DACH1: variants seen among roughly 807,000 people sequenced by gnomAD.
DACH1 encodes dachshund homolog 1.
A neutral mutation model predicts 54.2 loss-of-function variants in DACH1; 12 were observed. The ratio of observed to expected loss-of-function variants is 0.22; its 90% CI spans 0.14 to 0.36. The LOEUF (loss-of-function observed/expected upper bound fraction) is 0.36. Among genes scored for constraint, DACH1 ranks in the 10% least tolerant of loss-of-function variants. DACH1 has a pLI of 1.00. For missense variants in DACH1, 805 were observed against 929.8 expected, an observed-to-expected ratio of 0.87 and a Z score of 1.75; for synonymous variants, 386 against 366.2, an observed-to-expected ratio of 1.05 and a Z score of -0.62.
At chr13:71,626,577 C>A (rs778124995) in intron 3 of DACH1, among the ~76,000 whole-genome samples, 25 of 151,922 alleles carry the variant, frequency 1.6e-4, no homozygotes, top group Admixed American at 1.6e-3. Context: ...TAAAAAGAAT[C>A]CAGGACATTT....
chr13:71,809,855 A>G (rs1308452222), intron 1 of DACH1, among the ~76,000 whole-genome samples: 1 of 152,194 alleles, frequency 6.6e-6, no homozygotes, highest in Non-Finnish European at 1.5e-5. Context: ...CTAAACAGGT[A>G]AAGTTTTAAG....
At chr13:71,762,268 A>G (rs1024030614) in intron 1 of DACH1, among the ~76,000 whole-genome samples, 1 of 151,986 alleles carries the variant, frequency 6.6e-6, no homozygotes, top group African/African-American at 2.4e-5. Flanking sequence ...CATTCACCCA[A>G]TATGTTTTAT....
intron 1 of DACH1, among the ~76,000 whole-genome samples, chr13:71,765,748 C>T (rs1168228609): frequency 6.6e-6 from 1 of 152,018 alleles, no homozygotes; most frequent in Non-Finnish European, 1.5e-5. Flanking sequence ...TTTAAGACCC[C>T]CAGTTTTATA....
rs998708465 is a variant in DACH1 at position 71,456,775 on chromosome 13, C to T, written c.2084-16083G>A. 2.6e-5 allele frequency among the ~76,000 whole-genome samples: 4 copies of T among 152,014 alleles called. No homozygotes were observed. In the East Asian group the frequency reaches 5.8e-4, roughly 22 times the overall value. Reference sequence around the variant, plus strand: ...TAACTTCTATGTCTTGGATAATAAACGTTGGCTGTTTCCCCGTCAGGTTTT... The same window carrying T: ...TAACTTCTATGTCTTGGATAATAAATGTTGGCTGTTTCCCCGTCAGGTTTT... On this transcript the variant is annotated intron_variant, in intron 10 of 10. Transcript: ENST00000613252.
chr13:71,740,526 A>T (rs913301819), intron 1 of DACH1, among the ~76,000 whole-genome samples: 16 of 152,148 alleles, frequency 1.1e-4, no homozygotes, highest in Non-Finnish European at 2.1e-4. Context: ...ACTCCTCAGT[A>T]ATATATTGAT....
rs141483906 is a variant in DACH1, at chr13:71,640,376, T to A, written c.965-9659A>T. ...CACAGAAACAATGACCATTGAACTT[T>A]ATGCACAAAACTTTTAACCTATACT... On this transcript the variant is annotated intron_variant, in intron 2 of 10. Coordinates refer to ENST00000613252, the MANE Select transcript of DACH1 (RefSeq NM_080759.6). Among the ~76,000 whole-genome samples the A allele has an allele frequency of 1.1e-4, 17 of 152,192 alleles. No individual in the cohort carries two copies. The East Asian group carries it at 2.9e-3, about 26-fold the overall frequency.
At chr13:71,678,504 G>C (rs1267809346) in intron 2 of DACH1, among the ~76,000 whole-genome samples, 1 of 152,194 alleles carries the variant, frequency 6.6e-6, no homozygotes, top group African/African-American at 2.4e-5. Flanking sequence ...AAAGTTGAAA[G>C]TAAGCAAAAT....
intron 1 of DACH1, among the ~76,000 whole-genome samples, chr13:71,793,152 T>A (rs1477432428): frequency 1.3e-5 from 2 of 152,202 alleles, no homozygotes; most frequent in South Asian, 4.1e-4. Context: ...AAAAGTAGCA[T>A]ATAGTTAAGC....
intron 1 of DACH1, among the ~76,000 whole-genome samples, chr13:71,819,687 G>C (rs916941385): frequency 3.3e-5 from 5 of 152,034 alleles, no homozygotes; most frequent in African/African-American, 1.2e-4. Context: ...AGGTGTAAAG[G>C]CTCTGTTTCA....
At chr13:71,765,161 G>T (rs891032218) in intron 1 of DACH1, among the ~76,000 whole-genome samples, 10 of 152,098 alleles carry the variant, frequency 6.6e-5, no homozygotes, top group African/African-American at 2.2e-4. Flanking sequence ...CCATGAATTT[G>T]TTATCTTTTT....
At chr13:71,735,546 CGTGTATAT>C (rs1245007517) in intron 1 of DACH1, among the ~76,000 whole-genome samples, 26 of 146,962 alleles carry the variant, frequency 1.8e-4, no homozygotes, top group African/African-American at 6.0e-4. Flanking sequence ...ATGGGATATA[CGTGTATAT>C]GGGATATACG....
intron 1 of DACH1, among the ~76,000 whole-genome samples, chr13:71,721,232 A>G (rs1318258466): frequency 6.6e-6 from 1 of 152,124 alleles, no homozygotes; most frequent in South Asian, 2.1e-4. Flanking sequence ...TTTTCTCCCA[A>G]CTAGGATGAC....
chr13:71,570,181 C>T (rs1433472909), intron 4 of DACH1, among the ~76,000 whole-genome samples: 1 of 152,178 alleles, frequency 6.6e-6, no homozygotes, highest in Non-Finnish European at 1.5e-5. Context: ...ATACTTAGAA[C>T]TTCTTGGAGG....
chr13:71,850,523 C>T (rs1416909513), intron 1 of DACH1, among the ~76,000 whole-genome samples: 2 of 152,174 alleles, frequency 1.3e-5, no homozygotes, highest in Non-Finnish European at 2.9e-5. Flanking sequence ...AACACTTCGC[C>T]ACTTCCCTGC....
chr13:71,816,042 G>A (rs1039110487), intron 1 of DACH1, among the ~76,000 whole-genome samples: 1 of 151,714 alleles, frequency 6.6e-6, no homozygotes, highest in Non-Finnish European at 1.5e-5. Flanking sequence ...CCGAGATCGC[G>A]CCACTGCACT....
intron 1 of DACH1, among the ~76,000 whole-genome samples, chr13:71,732,012 T>A (rs1419374911): frequency 6.6e-6 from 1 of 152,202 alleles, no homozygotes; most frequent in East Asian, 1.9e-4. Context: ...TTTTGAATCC[T>A]TTCAACGAAG....
At chr13:71,466,371 T>C (rs1431853729) in intron 10 of DACH1, among the ~76,000 whole-genome samples, 2 of 152,208 alleles carry the variant, frequency 1.3e-5, no homozygotes, top group African/African-American at 2.4e-5. Flanking sequence ...AAGACATTTA[T>C]ATTTTCTGTT....
In DACH1 at chr13:71,628,733, G is replaced by C. The variant is rs569559351; in HGVS notation, c.1126+1823C>G. ...AAATAATTAAAGTAAGCTACAATTT[G>C]GTTAGTAGGCAAATATTGTCATGTA... On this transcript the variant is annotated intron_variant, in intron 3 of 10. Coordinates refer to ENST00000613252, the MANE Select transcript of DACH1 (RefSeq NM_080759.6). Among the ~76,000 whole-genome samples, 12 of 152,150 alleles carry C rather than the reference G, an allele frequency of 7.9e-5. No individual in the cohort carries two copies. The East Asian group carries it at 1.9e-3, about 24-fold the overall frequency.
At chr13:71,487,020 A>AT (rs565749518) in intron 7 of DACH1, among the ~76,000 whole-genome samples, 18 of 147,200 alleles carry the variant, frequency 1.2e-4, no homozygotes, top group East Asian at 4.0e-4. Context: ...AATTTTTTGT[A>AT]TTTTTTTTTT....
Sources: gnomAD v4.1 joint callset for allele counts (sites outside exome capture counted in the v4.1 genomes callset) on GRCh38, gnomAD v4.1.1 for gene constraint, MANE v1.5 for transcripts, NCBI Gene and HGNC (gene_info 2026-07-23, HGNC 2026-07-21) for gene names.